NXN: variants seen among roughly 807,000 people sequenced by gnomAD.
NXN encodes the protein nucleoredoxin 1.
NXN carries 16 observed loss-of-function variants against 48.6 expected under a neutral mutation model. The ratio of observed to expected loss-of-function variants is 0.33; its 90% confidence interval spans 0.22 to 0.50. The LOEUF (loss-of-function observed/expected upper bound fraction) is 0.50. NXN is among the 20% of genes least tolerant of loss of function. The pLI, the probability that NXN is intolerant of heterozygous loss-of-function variation, is 0.98. For synonymous variants in NXN, 281 were observed against 269.6 expected (o/e 1.04, Z -0.41); for missense variants, 492 against 605.5 (o/e 0.81, Z 1.97).
chr17:827,406 A>G (rs1913177721), intron 1 of NXN, among the ~76,000 whole-genome samples: 3 of 152,106 alleles, frequency 2.0e-5, no homozygotes, highest in Admixed American at 1.3e-4. Flanking sequence ...GTGGATCACG[A>G]GGCCAGGAGA....
intron 1 of NXN, among the ~76,000 whole-genome samples, chr17:931,451 CA>C (rs199620868): frequency 0.14 from 16,683 of 123,538 alleles, 968 homozygotes; most frequent in East Asian, 0.22. Context: ...GGCCCTGTCT[CA>C]AAAAAAAAAA....
intron 5 of NXN, among the ~76,000 whole-genome samples, chr17:806,228 CAA>C (rs1221264419): frequency 4.6e-5 from 4 of 86,144 alleles, no homozygotes; most frequent in African/African-American, 1.8e-4. Flanking sequence ...CACCCCAGCA[CAA>C]CCCCCTCCCC....
At position 921,642 on chromosome 17, in the gene NXN, C is replaced by A. The variant is rs553327862; in HGVS notation, c.360+57677G>T. ...CCGGCCCAGGCTCTCATCCTCACTG[C>A]CCCTGGACAACACCTGGCAGGCCCA... On this transcript the variant is annotated intron_variant, in intron 1 of 7. Coordinates refer to ENST00000336868, the MANE Select transcript of NXN (RefSeq NM_022463.5). Among the ~76,000 whole-genome samples, 3 of 151,476 alleles carry A rather than the reference C, an allele frequency of 2.0e-5. No individual in the cohort carries two copies. The East Asian group carries it at 5.8e-4, about 29-fold the overall frequency.
intron 5 of NXN, among the ~76,000 whole-genome samples, chr17:813,770 C>T (rs1912309908): frequency 1.3e-5 from 2 of 150,174 alleles, no homozygotes; most frequent in South Asian, 2.1e-4. Context: ...AGTTTGAGAC[C>T]AGCCTGGTCA....
At position 830,902 on chromosome 17, in the gene NXN, A is replaced by T. The variant is rs1913419454; in HGVS notation, c.361-4824T>A. Among the ~76,000 whole-genome samples, 1 of 151,640 alleles carries T rather than the reference A, an allele frequency of 6.6e-6. No individual in the cohort carries two copies. The highest frequency in any genetic ancestry group is 2.4e-5 in the African/African-American group (1 of 41,262). ...GTAATCCCAGCTACTCAGAGGGCTG[A>T]GGCAGGAGAATCACTTGAACCCGGG... On this transcript the variant is annotated intron_variant, in intron 1 of 7. Coordinates refer to ENST00000336868, the MANE Select transcript of NXN (RefSeq NM_022463.5). This position sits in a 1 kb window ranked among gnomAD's most constrained non-coding sequence, Gnocchi z 4.2.
At chr17:881,632 T>C (rs2068285489) in intron 1 of NXN, among the ~76,000 whole-genome samples, 1 of 152,194 alleles carries the variant, frequency 6.6e-6, no homozygotes, top group African/African-American at 2.4e-5. Context: ...TACTCATCAG[T>C]ATTTACCCAA....
intron 1 of NXN, among the ~76,000 whole-genome samples, chr17:840,394 A>C (rs1160601063): frequency 7.2e-5 from 11 of 151,838 alleles, no homozygotes; most frequent in South Asian, 2.1e-4. Context: ...GGCTGGGGTG[A>C]AGTGGCGCCA....
In NXN at chr17:826,085, G is replaced by A. The variant is rs1865982219; in HGVS notation, c.361-7C>T. 1.3e-6 allele frequency: 2 copies of A among 1,589,884 alleles called. No homozygotes were observed. Among genetic ancestry groups the A allele is most frequent in the Non-Finnish European group, 1.7e-6 (2 of 1,158,008 alleles). On this transcript the variant is annotated splice_region_variant and splice_polypyrimidine_tract_variant and intron_variant, in intron 1 of 7. Transcript: ENST00000336868. Reference sequence around the variant, plus strand: ...ATTTGTTCCAAAGTTTGAGCTGTATGAAGAAAAGCAAAAGAAGGTGGTTAA... The same window carrying A: ...ATTTGTTCCAAAGTTTGAGCTGTATAAAGAAAAGCAAAAGAAGGTGGTTAA...
At position 803,589 on chromosome 17, in the gene NXN, G is replaced by A. The variant is rs1228491493; in HGVS notation, c.1125+93C>T. 11 of 1,527,702 alleles carry A rather than the reference G, an allele frequency of 7.2e-6. No homozygotes were observed. The East Asian group carries it at 1.6e-4, about 22-fold the overall frequency. 94.6% of individuals were successfully genotyped at this position (1,527,702 alleles called of 1,614,324 possible). ...AGAAGCACAGGCAGCCCTGACCCTGGGGTCCTTTCAGGCAACCCTGGGGCC... is the reference window on the plus strand; with the variant it reads ...AGAAGCACAGGCAGCCCTGACCCTGAGGTCCTTTCAGGCAACCCTGGGGCC... On this transcript the variant is annotated intron_variant, in intron 7 of 7. Coordinates refer to ENST00000336868, the MANE Select transcript of NXN (RefSeq NM_022463.5).
intron 1 of NXN, among the ~76,000 whole-genome samples, chr17:868,028 CG>C (rs899935315): frequency 2.6e-5 from 4 of 152,116 alleles, no homozygotes; most frequent in Admixed American, 6.6e-5. Flanking sequence ...TGACCTATTC[CG>C]GGGACACAGC....
chr17:916,352 G>C (rs1442055849), intron 1 of NXN, among the ~76,000 whole-genome samples: 1 of 152,114 alleles, frequency 6.6e-6, no homozygotes, highest in Non-Finnish European at 1.5e-5. Flanking sequence ...CAATTTAAAA[G>C]ACAATTTTCC....
chr17:825,356 G>A lies in NXN; in HGVS notation c.478+605C>T, dbSNP rs928759045. ...GCGGGGTTGAATCTTCTCACTGGAC[G>A]GATTAAGTGAGGGGAGGAGATCTCA... On this transcript the variant is annotated intron_variant, in intron 2 of 7. Transcript: ENST00000336868. This position sits in a 1 kb window ranked among gnomAD's most constrained non-coding sequence, Gnocchi z 4.1. Among the ~76,000 whole-genome samples the A allele has an allele frequency of 2.0e-5, 3 of 152,174 alleles. No homozygotes were observed. The highest frequency in any genetic ancestry group is 2.1e-4 in the South Asian group (1 of 4,826).
In NXN at chr17:900,334, C is replaced by T. The variant is rs770514666; in HGVS notation, c.361-74256G>A. Among the ~76,000 whole-genome samples, 7 of 152,044 alleles carry T rather than the reference C, an allele frequency of 4.6e-5. No individual in the cohort carries two copies. In the South Asian group the frequency reaches 1.0e-3, roughly 23 times the overall value. On this transcript the variant is annotated intron_variant, in intron 1 of 7. Coordinates refer to ENST00000336868, the MANE Select transcript of NXN (RefSeq NM_022463.5). ...TAGCCAAAAAGCTCATGAAGAGAGA[C>T]AGCATTTTATAGATGGAGAAATGGA... is the stretch of plus-strand genomic sequence containing the variant.
intron 1 of NXN, among the ~76,000 whole-genome samples, chr17:936,381 T>C (rs947390586): frequency 6.6e-6 from 1 of 151,700 alleles, no homozygotes; most frequent in East Asian, 2.0e-4. Flanking sequence ...CCCTGGTGAG[T>C]GTCCACGGTG....
chr17:928,673 T>A (rs1285162691), intron 1 of NXN, among the ~76,000 whole-genome samples: 1 of 152,042 alleles, frequency 6.6e-6, no homozygotes, highest in African/African-American at 2.4e-5. Flanking sequence ...CCATCTCTAC[T>A]AAAAATACAA....
chr17:972,857 C>A (rs1366647371), intron 1 of NXN, among the ~76,000 whole-genome samples: 1 of 151,984 alleles, frequency 6.6e-6, no homozygotes, highest in African/African-American at 2.4e-5. Context: ...CGGTGAAACC[C>A]CGTCTCTACT....
At chr17:914,177 GGCGCCC>G (rs2068662925) in intron 1 of NXN, among the ~76,000 whole-genome samples, 10 of 49,266 alleles carry the variant, frequency 2.0e-4, no homozygotes, top group South Asian at 6.4e-4. Context: ...TGGGATTACA[GGCGCCC>G]GCCACCACGC....
chr17:962,831 G>A (rs1220030550), intron 1 of NXN, among the ~76,000 whole-genome samples: 1 of 152,138 alleles, frequency 6.6e-6, no homozygotes, highest in Non-Finnish European at 1.5e-5. Context: ...TATCCAAACG[G>A]CAGAGCCCAG....
intron 5 of NXN, 117 bp from the exon 6 acceptor site, chr17:805,364 C>G: frequency 1.9e-6 from 2 of 1,076,970 alleles, no homozygotes; most frequent in Admixed American, 2.7e-5. Context: ...CACCGAGGAC[C>G]TGGTACAGGC....
Sources: gnomAD v4.1 joint callset for allele counts (sites outside exome capture counted in the v4.1 genomes callset) on GRCh38, gnomAD v4.1.1 for gene constraint, Gnocchi (gnomAD v3.1) non-coding constraint, MANE v1.5 for transcripts, NCBI Gene and HGNC (gene_info 2026-07-23, HGNC 2026-07-21) for gene names.